Variants in FYB1 observed in about 807,000 individuals in gnomAD.
FYB1 encodes the protein FYN-binding protein 1.
A neutral mutation model predicts 94.1 loss-of-function variants in FYB1; 41 were observed. The ratio of observed to expected loss-of-function variants is 0.44; its 90% confidence interval spans 0.34 to 0.57. The LOEUF is 0.57. FYB1 is among the 20% of genes least tolerant of loss of function. The probability of loss-of-function intolerance (pLI) is 0.02; values close to 1 mark genes in which losing one functional copy is unlikely to be tolerated. For missense variants in FYB1, 1,050 were observed against 976.8 expected (o/e 1.07, Z -1.00); for synonymous variants, 367 against 353.2 (o/e 1.04, Z -0.44).
chr5:39,109,049 G>A (rs1738810593), intron 17 of FYB1, among the ~76,000 whole-genome samples: 1 of 152,064 alleles, frequency 6.6e-6, no homozygotes, highest in Non-Finnish European at 1.5e-5. Context: ...CATGAACATT[G>A]CCTTGAAATG....
At chr5:39,185,897 C>A (rs1746740774) in intron 2 of FYB1, among the ~76,000 whole-genome samples, 3 of 151,970 alleles carry the variant, frequency 2.0e-5, no homozygotes, top group Admixed American at 2.0e-4. Context: ...GACAGCCGGG[C>A]ACTTTTGACT....
At chr5:39,247,070 T>TCA (rs1751505670) in intron 1 of FYB1, among the ~76,000 whole-genome samples, 1 of 54,778 alleles carries the variant, frequency 1.8e-5, no homozygotes, top group Non-Finnish European at 3.5e-5. Flanking sequence ...AAATGCGTGT[T>TCA]CATATATATA....
intron 13 of FYB1, among the ~76,000 whole-genome samples, chr5:39,123,078 G>A (rs1297222675): frequency 6.6e-6 from 1 of 152,066 alleles, no homozygotes; most frequent in Admixed American, 6.6e-5. Flanking sequence ...TACTAATAAA[G>A]TCAGGAATAA....
chr5:39,114,832 G>C (rs1252913468), intron 16 of FYB1, among the ~76,000 whole-genome samples: 1 of 152,188 alleles, frequency 6.6e-6, no homozygotes, highest in African/African-American at 2.4e-5. Context: ...TGTGTAACGT[G>C]CTGACATTAC....
At chr5:39,137,467 G>T in intron 7 of FYB1, 133 bp downstream of exon 7, 1 of 1,041,188 alleles carries the variant, frequency 9.6e-7, no homozygotes. Flanking sequence ...GTACTGTTAT[G>T]AAGATAATTA....
intron 9 of FYB1, among the ~76,000 whole-genome samples, chr5:39,132,343 T>C (rs894994156): frequency 6.6e-6 from 1 of 152,210 alleles, no homozygotes; most frequent in Non-Finnish European, 1.5e-5. Flanking sequence ...TGTTCTGTTA[T>C]GAGATCTCTG....
intron 1 of FYB1, among the ~76,000 whole-genome samples, chr5:39,232,128 G>T (rs181098329): frequency 6.6e-6 from 1 of 152,206 alleles, no homozygotes; most frequent in Admixed American, 6.5e-5. Flanking sequence ...GGCTGAAAGA[G>T]CAAGACAGAA....
intron 2 of FYB1, among the ~76,000 whole-genome samples, chr5:39,191,955 A>G (rs952221383): frequency 2.6e-5 from 4 of 152,254 alleles, no homozygotes; most frequent in African/African-American, 7.2e-5. Context: ...AAGCATGCAC[A>G]AAGACATTCT....
Position 39,198,669 on chromosome 5 carries a change from T to C in FYB1, c.1135+3157A>G, listed in dbSNP as rs1327333348. Among the ~76,000 whole-genome samples the C allele has an allele frequency of 2.0e-5, 3 of 152,146 alleles. No homozygotes were observed. The East Asian group carries it at 5.8e-4, about 29-fold the overall frequency. ...ATTATAAAATAGGCTTTGTGTGAGATGATTTTGCCCAATTGTAGGCTAATG... is the reference window on the plus strand; with the variant it reads ...ATTATAAAATAGGCTTTGTGTGAGACGATTTTGCCCAATTGTAGGCTAATG... On this transcript the variant is annotated intron_variant, in intron 2 of 18. Transcript: ENST00000512982.
chr5:39,170,052 T>C lies in FYB1; in HGVS notation c.1136-16448A>G, dbSNP rs538199494. The C allele has an allele frequency of 2.3e-5, 19 of 819,986 alleles. No individual in the cohort carries two copies. In the East Asian group the frequency reaches 3.2e-4, roughly 14 times the overall value. The allele number at this position is 819,986 out of a possible 1,614,324, so 50.8% of individuals were successfully genotyped here. On this transcript the variant is annotated intron_variant, in intron 2 of 18. Transcript: ENST00000512982. ...TTTCAATAGGATGAGAGGCCTCCAC[T>C]GGTGTCCTAGATCTTACTTTCACAT...
chr5:39,140,650 T>C (rs1194974402), intron 4 of FYB1, among the ~76,000 whole-genome samples: 1 of 152,192 alleles, frequency 6.6e-6, no homozygotes, highest in Non-Finnish European at 1.5e-5. Flanking sequence ...TGCATTGTTG[T>C]TTGTGGTACC....
intron 2 of FYB1, among the ~76,000 whole-genome samples, chr5:39,163,299 A>G (rs1744437658): frequency 6.6e-6 from 1 of 152,244 alleles, no homozygotes. Context: ...CTTTGAATGC[A>G]AACTGCCAAG....
intron 2 of FYB1, among the ~76,000 whole-genome samples, chr5:39,197,880 C>T (rs1418860962): frequency 6.6e-6 from 1 of 152,186 alleles, no homozygotes; most frequent in Non-Finnish European, 1.5e-5. Flanking sequence ...GGAAACCTCT[C>T]TTCCAACAAT....
intron 18 of FYB1, 88 bp downstream of exon 18, chr5:39,108,143 T>G: frequency 8.2e-7 from 1 of 1,221,502 alleles, no homozygotes; most frequent in East Asian, 2.6e-5. Context: ...AGATTGGAAG[T>G]CTCTAATCCA....
At chr5:39,205,640 G>T (rs1021052572) in intron 1 of FYB1, among the ~76,000 whole-genome samples, 1 of 152,106 alleles carries the variant, frequency 6.6e-6, no homozygotes, top group African/African-American at 2.4e-5. Context: ...TCCTGGCTTT[G>T]GTTTAGAAAA....
chr5:39,146,511 T>C (rs2150343897), intron 3 of FYB1, among the ~76,000 whole-genome samples: 1 of 152,334 alleles, frequency 6.6e-6, no homozygotes, highest in East Asian at 1.9e-4. Flanking sequence ...ATTTTTTTGA[T>C]GAATTAACAA....
chr5:39,198,357 A>C (rs1243825287), intron 2 of FYB1, among the ~76,000 whole-genome samples: 1 of 152,198 alleles, frequency 6.6e-6, no homozygotes, highest in African/African-American at 2.4e-5. Flanking sequence ...ACTAATAGAT[A>C]ACCTGGCAAC....
chr5:39,161,006 AGTGTGGT>A (rs1744194973), intron 2 of FYB1, among the ~76,000 whole-genome samples: 2 of 152,246 alleles, frequency 1.3e-5, no homozygotes, highest in South Asian at 4.1e-4. Flanking sequence ...GCCCTTTTGA[AGTGTGGT>A]GTGGCTGTCC....
intron 1 of FYB1, among the ~76,000 whole-genome samples, chr5:39,216,436 T>C (rs1245942758): frequency 6.6e-6 from 1 of 152,176 alleles, no homozygotes; most frequent in African/African-American, 2.4e-5. Context: ...CTGGGATACA[T>C]GTGCGGGATG....
Sources: gnomAD v4.1 joint callset for allele counts (sites outside exome capture counted in the v4.1 genomes callset) on GRCh38, gnomAD v4.1.1 for gene constraint, MANE v1.5 for transcripts, NCBI Gene and HGNC (gene_info 2026-07-23, HGNC 2026-07-21) for gene names.